Variants in WDR72 observed in about 807,000 individuals in gnomAD.
WDR72 encodes the protein WD repeat domain 72.
WDR72 carries 120 observed loss-of-function variants against 124.2 expected under a neutral mutation model. The observed-to-expected ratio is 0.97, with a 90% confidence interval of 0.83 to 1.12. The LOEUF (loss-of-function observed/expected upper bound fraction) is 1.12. Among genes scored for constraint, WDR72 ranks in the 50% most tolerant of loss-of-function variants. The pLI, the probability that WDR72 is intolerant of heterozygous loss-of-function variation, is 0.00. For synonymous variants in WDR72, 452 were observed against 441.7 expected (o/e 1.02, Z -0.29); for missense variants, 1,387 against 1,278.8 (o/e 1.08, Z -1.29).
intron 18 of WDR72, among the ~76,000 whole-genome samples, chr15:53,546,820 C>T (rs949663259): frequency 3.9e-5 from 6 of 152,172 alleles, no homozygotes; most frequent in Admixed American, 1.3e-4. Flanking sequence ...AAATGACTAT[C>T]AGTAGAGAGG....
At chr15:53,578,991 G>A (rs1170004768) in intron 18 of WDR72, among the ~76,000 whole-genome samples, 2 of 152,064 alleles carry the variant, frequency 1.3e-5, no homozygotes, top group Non-Finnish European at 2.9e-5. Flanking sequence ...GGAAGAAATC[G>A]TTGCAAGAGA....
intron 18 of WDR72, among the ~76,000 whole-genome samples, chr15:53,546,794 A>T (rs1374615181): frequency 6.6e-6 from 1 of 152,216 alleles, no homozygotes; most frequent in Admixed American, 6.5e-5. Flanking sequence ...CAAAATCAAA[A>T]ATGAAAGGGG....
rs902027566 is a variant in WDR72, at chr15:53,514,847, A to G, written c.*2852T>C. 1 of 151,972 alleles carries G rather than the reference A, an allele frequency of 6.6e-6. No homozygotes were observed. The highest frequency in any genetic ancestry group is 1.5e-5 in the Non-Finnish European group (1 of 68,014). The allele number at this position is 151,972 out of a possible 1,614,324, so 9.4% of individuals were successfully genotyped here. A position where few individuals can be genotyped will look rare whatever the true frequency, so the allele number is the denominator to read the frequency against. ...AGGCTCTGACAAGCACAGCAAGCACACACGGCCTGGACACGCTGCCGAGGA... is the reference window on the plus strand; with the variant it reads ...AGGCTCTGACAAGCACAGCAAGCACGCACGGCCTGGACACGCTGCCGAGGA... On this transcript the variant is annotated 3_prime_UTR_variant, in exon 20 of 20. Transcript: ENST00000360509.
At chr15:53,575,222 T>C (rs1422149802) in intron 18 of WDR72, among the ~76,000 whole-genome samples, 5 of 152,112 alleles carry the variant, frequency 3.3e-5, no homozygotes, top group Non-Finnish European at 5.9e-5. Flanking sequence ...ATTTGAAAAC[T>C]GTCAAGTCAG....
intron 16 of WDR72, among the ~76,000 whole-genome samples, chr15:53,612,531 A>G (rs2013585281): frequency 6.6e-6 from 1 of 152,032 alleles, no homozygotes; most frequent in African/African-American, 2.4e-5. Context: ...CAGCTAATGC[A>G]AAGGTCCTCA....
intron 18 of WDR72, among the ~76,000 whole-genome samples, chr15:53,580,839 C>T (rs574142053): frequency 2.6e-5 from 4 of 152,028 alleles, no homozygotes; most frequent in African/African-American, 7.2e-5. Flanking sequence ...AAAACTAATA[C>T]AGCCTCTGTT....
chr15:53,521,118 T>C (rs1891769621), intron 19 of WDR72, among the ~76,000 whole-genome samples: 1 of 152,126 alleles, frequency 6.6e-6, no homozygotes, highest in Non-Finnish European at 1.5e-5. Context: ...AACAAGTTTC[T>C]TTCAGTTCAC....
At chr15:53,569,940 G>A (rs1256314148) in intron 18 of WDR72, among the ~76,000 whole-genome samples, 2 of 152,170 alleles carry the variant, frequency 1.3e-5, no homozygotes, top group South Asian at 4.1e-4. Flanking sequence ...GTATGTAACG[G>A]TGATTCACAC....
At chr15:53,570,332 G>T (rs1894470636) in intron 18 of WDR72, among the ~76,000 whole-genome samples, 1 of 149,036 alleles carries the variant, frequency 6.7e-6, no homozygotes. Context: ...ACAATACATT[G>T]TTCTTAGCTA....
intron 14 of WDR72, among the ~76,000 whole-genome samples, chr15:53,665,008 T>C (rs1435409889): frequency 6.6e-6 from 1 of 152,120 alleles, no homozygotes; most frequent in Admixed American, 6.6e-5. Context: ...TAAATTACTA[T>C]ATCATATTTA....
chr15:53,681,607 G>A (rs1640137009), intron 13 of WDR72, among the ~76,000 whole-genome samples: 5 of 152,108 alleles, frequency 3.3e-5, no homozygotes, highest in Admixed American at 3.3e-4. Context: ...ACTGCCAAAG[G>A]AAACAATAAA....
chr15:53,701,559 T>TCTCTCTCTCTCACACACACA (rs369568228), intron 12 of WDR72, among the ~76,000 whole-genome samples: 2 of 120,102 alleles, frequency 1.7e-5, no homozygotes, highest in Admixed American at 1.9e-4. Flanking sequence ...TCTCTCTCTC[T>TCTCTCTCTCTCACACACACA]CACACACACA....
At chr15:53,638,775 GAGC>G (rs2140407225) in intron 14 of WDR72, among the ~76,000 whole-genome samples, 1 of 152,074 alleles carries the variant, frequency 6.6e-6, no homozygotes, top group South Asian at 2.1e-4. Context: ...AGGACAATGC[GAGC>G]AGATCACCTG....
chr15:53,527,399 A>G, intron 18 of WDR72, among the ~76,000 whole-genome samples: 1 of 151,924 alleles, frequency 6.6e-6, no homozygotes, highest in Non-Finnish European at 1.5e-5. Flanking sequence ...AAACATTTCC[A>G]CATCCCCAGC....
intron 14 of WDR72, among the ~76,000 whole-genome samples, chr15:53,650,728 G>T (rs2015205284): frequency 6.6e-6 from 1 of 151,842 alleles, no homozygotes; most frequent in Admixed American, 6.6e-5. Flanking sequence ...TGGCACTTTG[G>T]GATATAGGTC....
intron 18 of WDR72, among the ~76,000 whole-genome samples, chr15:53,545,136 T>C (rs1298271462): frequency 6.7e-6 from 1 of 150,330 alleles, no homozygotes; most frequent in African/African-American, 2.5e-5. Context: ...TACCAACGAC[T>C]TTCTTCACAG....
chr15:53,733,259 A>G (rs1310032973), intron 1 of WDR72, 98 bp from the exon 2 acceptor site: 3 of 1,305,988 alleles, frequency 2.3e-6, no homozygotes, highest in South Asian at 2.4e-5. Flanking sequence ...CCAAACTTCA[A>G]TGATGTGTTC....
intron 1 of WDR72, among the ~76,000 whole-genome samples, chr15:53,737,281 G>A (rs973480547): frequency 6.6e-6 from 1 of 152,164 alleles, no homozygotes; most frequent in African/African-American, 2.4e-5. Flanking sequence ...AAGTCTGCTT[G>A]AAGGACCTCC....
chr15:53,736,649 T>A (rs984103015), intron 1 of WDR72, among the ~76,000 whole-genome samples: 3 of 152,048 alleles, frequency 2.0e-5, no homozygotes, highest in Non-Finnish European at 4.4e-5. Flanking sequence ...TGAGAGCACT[T>A]GTAGGATGAG....
Sources: allele counts gnomAD v4.1 joint callset (sites outside exome capture counted in the v4.1 genomes callset), GRCh38; gene constraint gnomAD v4.1.1; transcripts MANE v1.5; gene names NCBI Gene and HGNC (gene_info 2026-07-23, HGNC 2026-07-21).